ZNF76: variants seen among roughly 807,000 people sequenced by gnomAD.
The protein encoded by ZNF76 is zinc finger protein 523.
ZNF76 carries 66 observed loss-of-function variants against 66.9 expected under a neutral mutation model. That is an observed-to-expected ratio of 0.99 (90% CI 0.81 to 1.21). The LOEUF is 1.21. Ranked by LOEUF, ZNF76 falls within the 50% of genes most tolerant of loss-of-function variation. ZNF76 has a pLI of 0.00. For missense variants in ZNF76, 729 were observed against 760.3 expected, an observed-to-expected ratio of 0.96 and a Z score of 0.48; for synonymous variants, 275 against 296.1, an observed-to-expected ratio of 0.93 and a Z score of 0.73.
In ZNF76 at chr6:35,291,629, C is replaced by T. The variant is rs1412796065; in HGVS notation, c.823C>T (p.His275Tyr). ...SFTTSNIRKVHVRTHTGERPY... is the reference protein window; with the variant it reads ...SFTTSNIRKVYVRTHTGERPY... ...CACCACATCTAACATCCGCAAGGTA[C>T]ATGTGCGCACCCACACAGGCGAGAG... is the stretch of plus-strand genomic sequence containing the variant. The change falls in exon 9 of 14, where the codon CAT becomes TAT. Residue 275 changes from histidine to tyrosine, a missense_variant. Coordinates refer to ENST00000373953, the MANE Select transcript of ZNF76 (RefSeq NM_003427.5). 3 of 1,614,102 alleles carry T rather than the reference C, an allele frequency of 1.9e-6. No individual in the cohort carries two copies. The highest frequency in any genetic ancestry group is 2.5e-6 in the Non-Finnish European group (3 of 1,179,980).
intron 1 of ZNF76, among the ~76,000 whole-genome samples, chr6:35,264,073 C>T (rs1001434633): frequency 6.6e-6 from 1 of 152,184 alleles, no homozygotes; most frequent in Non-Finnish European, 1.5e-5. Flanking sequence ...CTTCTGTCTT[C>T]ATCTCTTCCC....
chr6:35,266,797 C>CTTTTTTTTTTTTTTTTTTTTTTTTTTTT (rs57833954), intron 1 of ZNF76, among the ~76,000 whole-genome samples: 3 of 93,280 alleles, frequency 3.2e-5, no homozygotes, highest in Admixed American at 1.6e-4. Flanking sequence ...TTGTCTATTT[C>CTTTTTTTTTTTTTTTTTTTTTTTTTTTT]TTTTTTTTTT....
At chr6:35,294,923 T>C in intron 13 of ZNF76, 1 of 585,182 alleles carries the variant, frequency 1.7e-6, no homozygotes, top group South Asian at 2.0e-5. Flanking sequence ...CAAGTGGGTC[T>C]CTCTGACCCT....
intron 1 of ZNF76, among the ~76,000 whole-genome samples, chr6:35,265,087 A>G (rs1170646783): frequency 6.6e-6 from 1 of 152,170 alleles, no homozygotes; most frequent in Non-Finnish European, 1.5e-5. Context: ...TGTGCCAGGT[A>G]CTTTTCTAGG....
rs1290018285 is a variant in ZNF76 at position 35,281,130 on chromosome 6, A to G, written c.-22A>G. On this transcript the variant is annotated 5_prime_UTR_variant, in exon 2 of 14. Coordinates refer to ENST00000373953, the MANE Select transcript of ZNF76 (RefSeq NM_003427.5). ...TGGCCAGAAGCCAACTTCATGTCTGAGTGCACGAGCAGCAGTTTGCCATGG... is the reference window on the plus strand; with the variant it reads ...TGGCCAGAAGCCAACTTCATGTCTGGGTGCACGAGCAGCAGTTTGCCATGG... The G allele has an allele frequency of 2.2e-5, 36 of 1,613,592 alleles. No homozygotes were observed. The highest frequency in any genetic ancestry group is 3.1e-5 in the Non-Finnish European group (36 of 1,179,710).
At chr6:35,277,975 T>G (rs1788163889) in intron 1 of ZNF76, among the ~76,000 whole-genome samples, 1 of 152,090 alleles carries the variant, frequency 6.6e-6, no homozygotes. Flanking sequence ...TTCTTCTGCC[T>G]TAGCCTCCCG....
At chr6:35,280,416 A>G (rs189498027) in intron 1 of ZNF76, among the ~76,000 whole-genome samples, 233 of 152,260 alleles carry the variant, frequency 1.5e-3, no homozygotes, top group African/African-American at 5.1e-3. Flanking sequence ...ATCTGAGGAC[A>G]TAAGTTATAA....
intron 5 of ZNF76, chr6:35,288,111 G>T: frequency 3.1e-6 from 2 of 648,384 alleles, no homozygotes. Context: ...TCTTTGCAGA[G>T]GGAAAGCTGC....
rs150087683 is a variant in ZNF76, at chr6:35,263,146, C to T, written c.-97+3305C>T. Among the ~76,000 whole-genome samples, 58 of 152,278 alleles carry T rather than the reference C, an allele frequency of 3.8e-4. No individual in the cohort carries two copies. The East Asian group carries it at 7.9e-3, about 21-fold the overall frequency. The stretch of plus-strand genomic sequence containing the variant: ...TTCCACCAAACTTCATCAGTCTCTT[C>T]GGTTTATCCAGAGAACTACACTCTT... On this transcript the variant is annotated intron_variant, in intron 1 of 13. Coordinates refer to ENST00000373953, the MANE Select transcript of ZNF76 (RefSeq NM_003427.5).
intron 1 of ZNF76, among the ~76,000 whole-genome samples, chr6:35,263,001 T>C (rs1785472411): frequency 6.6e-6 from 1 of 152,198 alleles, no homozygotes; most frequent in Admixed American, 6.5e-5. Flanking sequence ...GATTACAATA[T>C]AAATCTCCCT....
chr6:35,291,890 A>C, intron 9 of ZNF76, 153 bp downstream of exon 9: 1 of 804,024 alleles, frequency 1.2e-6, no homozygotes, highest in Non-Finnish European at 2.0e-6. Context: ...CCCCAGAACA[A>C]CTCTGCTTGC....
At chr6:35,295,031 C>T (rs1790986220) in intron 13 of ZNF76, 113 bp from the exon 14 acceptor site, 9 of 724,636 alleles carry the variant, frequency 1.2e-5, no homozygotes, top group Non-Finnish European at 2.1e-5. Context: ...CAGCGTGTGG[C>T]ACTGGGTAGA....
intron 1 of ZNF76, among the ~76,000 whole-genome samples, chr6:35,268,515 G>A (rs776846186): frequency 1.3e-5 from 2 of 151,916 alleles, no homozygotes; most frequent in Admixed American, 1.3e-4. Context: ...CAAAAAAAAC[G>A]AAACCTGGCC....
chr6:35,294,757 T>G, intron 13 of ZNF76, 188 bp downstream of exon 13: 1 of 645,918 alleles, frequency 1.5e-6, no homozygotes, highest in Non-Finnish European at 2.8e-6. Context: ...AGGCAGAATG[T>G]TGAAGCCTCT....
At chr6:35,278,148 G>A (rs923187797) in intron 1 of ZNF76, among the ~76,000 whole-genome samples, 21 of 151,928 alleles carry the variant, frequency 1.4e-4, no homozygotes, top group Non-Finnish European at 4.4e-5. Flanking sequence ...GAGCCACCAC[G>A]CCCAGCCAGT....
chr6:35,289,220 C>T (rs1333357880), intron 5 of ZNF76, among the ~76,000 whole-genome samples: 1 of 152,076 alleles, frequency 6.6e-6, no homozygotes, highest in Non-Finnish European at 1.5e-5. Context: ...CACTTCCATC[C>T]CTGATGTCCC....
At chr6:35,260,441 T>C (rs992985429) in intron 1 of ZNF76, among the ~76,000 whole-genome samples, 1 of 152,224 alleles carries the variant, frequency 6.6e-6, no homozygotes, top group Admixed American at 6.5e-5. Flanking sequence ...TGTAGCCGTA[T>C]GACCCTCGTT....
intron 1 of ZNF76, among the ~76,000 whole-genome samples, chr6:35,265,791 A>G (rs945578243): frequency 6.6e-6 from 1 of 151,864 alleles, no homozygotes; most frequent in East Asian, 1.9e-4. Flanking sequence ...AAGAAATGGC[A>G]GATGTTGCGG....
chr6:35,293,495 G>A (rs1013842524), intron 11 of ZNF76, among the ~76,000 whole-genome samples: 1 of 152,148 alleles, frequency 6.6e-6, no homozygotes, highest in South Asian at 2.1e-4. Context: ...ACACAATCAG[G>A]TGGCGACCCT....
Sources: allele counts gnomAD v4.1 joint callset (sites outside exome capture counted in the v4.1 genomes callset), GRCh38; gene constraint gnomAD v4.1.1; transcripts MANE v1.5; gene names NCBI Gene and HGNC (gene_info 2026-07-23, HGNC 2026-07-21).